CDCA2: variants seen among roughly 807,000 people sequenced by gnomAD.
CDCA2 encodes the protein cell division cycle associated 2, also known as cell division cycle-associated protein 2.
A neutral mutation model predicts 67.0 loss-of-function variants in CDCA2; 44 were observed. That is an observed-to-expected ratio of 0.66 (90% CI 0.52 to 0.84). The LOEUF (loss-of-function observed/expected upper bound fraction) is 0.84, where lower values mean the gene tolerates loss of function less well. Among genes scored for constraint, CDCA2 ranks in the 40% least tolerant of loss-of-function variants. The probability of loss-of-function intolerance (pLI) is 0.00; values close to 1 mark genes in which losing one functional copy is unlikely to be tolerated. For missense variants in CDCA2, 1,253 were observed against 1,203.2 expected (o/e 1.04, Z -0.61); for synonymous variants, 447 against 418.7 (o/e 1.07, Z -0.82).
chr8:25,470,100 G>T, intron 7 of CDCA2, 120 bp downstream of exon 7: 1 of 604,162 alleles, frequency 1.7e-6, no homozygotes, highest in East Asian at 2.6e-5. Context: ...AGGAGCTCAT[G>T]GCCTAGTAGA....
intron 13 of CDCA2, among the ~76,000 whole-genome samples, chr8:25,494,437 C>G (rs1260845926): frequency 1.3e-5 from 2 of 152,140 alleles, no homozygotes; most frequent in Non-Finnish European, 2.9e-5. Flanking sequence ...TCTAGAGATG[C>G]TTTAAAGCAT....
At chr8:25,483,901 T>C in intron 9 of CDCA2, 65 bp from the exon 10 acceptor site, 1 of 1,352,100 alleles carries the variant, frequency 7.4e-7, no homozygotes, top group Middle Eastern at 1.9e-4. Flanking sequence ...GATTCTAGTA[T>C]ATGCCTTTTA....
At chr8:25,497,408 A>G (rs1279835116) in intron 13 of CDCA2, among the ~76,000 whole-genome samples, 1 of 151,982 alleles carries the variant, frequency 6.6e-6, no homozygotes, top group Non-Finnish European at 1.5e-5. Context: ...TTTTGACAGC[A>G]TAGAAGGACC....
intron 7 of CDCA2, among the ~76,000 whole-genome samples, chr8:25,477,377 C>G (rs1319840461): frequency 6.6e-6 from 1 of 152,136 alleles, no homozygotes; most frequent in Non-Finnish European, 1.5e-5. Context: ...GAATGCCCCC[C>G]CTCGACCTTC....
At chr8:25,459,841 GTGGAGA>G (rs1802605886) in intron 1 of CDCA2, among the ~76,000 whole-genome samples, 1 of 152,158 alleles carries the variant, frequency 6.6e-6, no homozygotes, top group Non-Finnish European at 1.5e-5. Flanking sequence ...TGGGAAGGAA[GTGGAGA>G]TGGTTAATAG....
In CDCA2 at chr8:25,507,087, G is replaced by C; in HGVS notation, c.2421G>C (p.Gln807His). Residue 807 changes from glutamine (Q) to histidine (H), a missense_variant, in exon 15 of 15, where the codon CAG becomes CAC. Physicochemically the swap from Gln to His is conservative, Grantham distance 24 (BLOSUM62 0). Coordinates refer to ENST00000330560, the MANE Select transcript of CDCA2 (RefSeq NM_152562.4). The stretch of plus-strand genomic sequence containing the variant: ...AAAATACGAAAGAATCTAAAAGCCA[G>C]AGTGAGGATTTGGGAAGAAAACCCA... ...LIENTKESKS[Q>H]SEDLGRKPME... is the part of the protein sequence containing the mutation. The C allele has an allele frequency of 6.2e-7, 1 of 1,614,134 alleles. No individual in the cohort carries two copies.
At chr8:25,504,864 C>T (rs1038852579) in intron 14 of CDCA2, among the ~76,000 whole-genome samples, 4 of 152,180 alleles carry the variant, frequency 2.6e-5, no homozygotes, top group African/African-American at 9.7e-5. Context: ...TTTCTATGTT[C>T]CCCTGCTCCC....
chr8:25,470,254 A>G (rs970029416), intron 7 of CDCA2, among the ~76,000 whole-genome samples: 1 of 152,224 alleles, frequency 6.6e-6, no homozygotes, highest in African/African-American at 2.4e-5. Context: ...TCTTTGTTAT[A>G]GGAACACTAC....
chr8:25,461,151 C>T (rs142700822), intron 3 of CDCA2, among the ~76,000 whole-genome samples: 142 of 151,516 alleles, frequency 9.4e-4, no homozygotes, highest in African/African-American at 2.9e-3. Flanking sequence ...CCTGTAATCC[C>T]AGCTACTCAG....
At chr8:25,492,467 G>C (rs1381017022) in intron 13 of CDCA2, among the ~76,000 whole-genome samples, 1 of 152,038 alleles carries the variant, frequency 6.6e-6, no homozygotes, top group Non-Finnish European at 1.5e-5. Flanking sequence ...ACCTGTGATT[G>C]AAAGAATGAA....
chr8:25,488,205 C>T (rs1198572631), intron 12 of CDCA2, among the ~76,000 whole-genome samples: 1 of 152,100 alleles, frequency 6.6e-6, no homozygotes, highest in African/African-American at 2.4e-5. Flanking sequence ...TCTAAAAATT[C>T]ATGATTTTTT....
At chr8:25,471,692 G>A (rs1267812928) in intron 7 of CDCA2, among the ~76,000 whole-genome samples, 1 of 152,074 alleles carries the variant, frequency 6.6e-6, no homozygotes, top group Admixed American at 6.6e-5. Flanking sequence ...TGCTCTTATG[G>A]GACTTTGCGT....
At chr8:25,503,899 G>A (rs1166104155) in intron 14 of CDCA2, among the ~76,000 whole-genome samples, 1 of 152,050 alleles carries the variant, frequency 6.6e-6, no homozygotes, top group African/African-American at 2.4e-5. Flanking sequence ...GTCCATCGTT[G>A]AAAGTGAACG....
At chr8:25,504,868 T>A (rs1358928354) in intron 14 of CDCA2, among the ~76,000 whole-genome samples, 15 of 152,252 alleles carry the variant, frequency 9.9e-5, no homozygotes. Context: ...TATGTTCCCC[T>A]GCTCCCTAAA....
In CDCA2 at chr8:25,497,504, AAT is replaced by A. The variant is rs1563281793; in HGVS notation, c.1672-5867_1672-5866del. On this transcript the variant is annotated intron_variant, in intron 13 of 14. Transcript: ENST00000330560. ...CATGTGGAATCTTTAAAAAATAAAA[AAT>A]AAAAAAAAAAAAAACTCACAGAAGC... 5.4e-4 allele frequency among the ~76,000 whole-genome samples: 15 copies of A among 27,636 alleles called. 1 individual carries two copies. Among genetic ancestry groups the A allele is most frequent in the Non-Finnish European group, 9.5e-4 (5 of 5,252 alleles). 18.1% of individuals were successfully genotyped at this position (27,636 alleles called of 152,430 possible). A position where few individuals can be genotyped will look rare whatever the true frequency, so the allele number is the denominator to read the frequency against.
intron 13 of CDCA2, among the ~76,000 whole-genome samples, chr8:25,498,552 AC>A: frequency 6.9e-6 from 1 of 145,462 alleles, no homozygotes; most frequent in African/African-American, 2.5e-5. Context: ...TTTTGGATAC[AC>A]ACACTCTTCT....
chr8:25,462,813 A>G (rs913069903), intron 4 of CDCA2, among the ~76,000 whole-genome samples: 9 of 152,144 alleles, frequency 5.9e-5, no homozygotes, highest in African/African-American at 1.4e-4. Flanking sequence ...AGTAGCTGGA[A>G]CTATAGGCAT....
intron 13 of CDCA2, among the ~76,000 whole-genome samples, chr8:25,499,018 T>C (rs1023267098): frequency 1.3e-5 from 2 of 152,180 alleles, no homozygotes; most frequent in African/African-American, 4.8e-5. Flanking sequence ...TAAAATAATC[T>C]GGGGTTAGGG....
intron 1 of CDCA2, among the ~76,000 whole-genome samples, chr8:25,459,703 C>T (rs138870707): frequency 4.7e-4 from 71 of 152,276 alleles, no homozygotes; most frequent in African/African-American, 1.6e-3. Flanking sequence ...CATGGCTTAT[C>T]CTTTGGGGTC....
Sources: allele counts gnomAD v4.1 joint callset (sites outside exome capture counted in the v4.1 genomes callset), GRCh38; gene constraint gnomAD v4.1.1; transcripts MANE v1.5; gene names NCBI Gene and HGNC (gene_info 2026-07-23, HGNC 2026-07-21).